Variants in TTLL6 observed in about 807,000 individuals in gnomAD.
TTLL6 encodes the protein tubulin polyglutamylase TTLL6.
In TTLL6, 75 loss-of-function variants were observed where a neutral mutation model predicts 96.4. The observed-to-expected ratio is 0.78, with a 90% CI of 0.65 to 0.94. The LOEUF is 0.94. Among genes scored for constraint, TTLL6 ranks in the 40% least tolerant of loss-of-function variants. TTLL6 has a pLI of 0.00. For missense variants in TTLL6, 1,030 were observed against 1,093.0 expected (o/e 0.94, Z 0.81); for synonymous variants, 411 against 419.4 (o/e 0.98, Z 0.24).
intron 7 of TTLL6, 47 bp from the exon 8 acceptor site, chr17:48,796,193 C>A (rs112633488): frequency 0.02 from 28,541 of 1,447,584 alleles, 308 homozygotes; most frequent in Non-Finnish European, 0.024. Context: ...GAAGGGCAGG[C>A]CCCCTGCTTC....
chr17:48,806,832 A>G (rs1053152576), intron 1 of TTLL6, among the ~76,000 whole-genome samples: 1 of 151,916 alleles, frequency 6.6e-6, no homozygotes, highest in Admixed American at 6.6e-5. Context: ...GAAGTTCGAG[A>G]CCAGCCTGAC....
At chr17:48,813,522 G>C (rs1031907652) in intron 1 of TTLL6, among the ~76,000 whole-genome samples, 3 of 152,146 alleles carry the variant, frequency 2.0e-5, no homozygotes, top group African/African-American at 7.2e-5. Flanking sequence ...TCACACAACT[G>C]CACTCCAGCC....
intron 4 of TTLL6, 50 bp from the exon 5 acceptor site, chr17:48,801,435 A>G (rs2039411226): frequency 6.4e-7 from 1 of 1,551,152 alleles, no homozygotes; most frequent in Non-Finnish European, 8.7e-7. Flanking sequence ...TGGGAGTACT[A>G]CAAGATCTCC....
At chr17:48,801,469 G>T (rs1486587949) in intron 4 of TTLL6, 56 bp downstream of exon 4, 1 of 1,550,784 alleles carries the variant, frequency 6.4e-7, no homozygotes, top group African/African-American at 1.4e-5. Context: ...GTAAAAATGG[G>T]GCCCCGCCGG....
chr17:48,812,064 A>ACCCCCCCCCCCCCCCCCCCCC (rs56757071), intron 1 of TTLL6: 2 of 76,140 alleles, frequency 2.6e-5, no homozygotes, highest in African/African-American at 5.5e-5. Context: ...TGATGCTGGG[A>ACCCCCCCCCCCCCCCCCCCCC]CCCCCCCCCC....
chr17:48,797,026 G>C, intron 7 of TTLL6, 35 bp downstream of exon 7: 5 of 1,537,044 alleles, frequency 3.3e-6, no homozygotes, highest in Non-Finnish European at 4.4e-6. Flanking sequence ...TCACGCTATG[G>C]GGGTAGGGTG....
rs1456131367 is a variant in TTLL6 at position 48,804,936 on chromosome 17, C to T, written c.159G>A (p.Pro53=). Residue 53 remains proline, a synonymous_variant, in exon 2 of 16, where the codon CCG becomes CCA. Coordinates refer to ENST00000393382, the MANE Select transcript of TTLL6 (RefSeq NM_001130918.3). ...SSQAREMPQC[P]TLESQEGENS... ...TTTCCCCTTCCTGGCTTTCCAAAGT[C>T]GGGCACTGTGGCATCTCCCTGGCCT... The T allele has an allele frequency of 6.1e-6, 9 of 1,470,800 alleles. No homozygotes were observed. Among genetic ancestry groups the T allele is most frequent in the Non-Finnish European group, 8.3e-6 (9 of 1,084,654 alleles). The allele number at this position is 1,470,800 out of a possible 1,614,324, so 91.1% of individuals were successfully genotyped here. A position where few individuals can be genotyped will look rare whatever the true frequency, so the allele number is the denominator to read the frequency against.
At chr17:48,786,122 G>A (rs758912217) in intron 12 of TTLL6, 42 bp downstream of exon 12, 1 of 1,611,718 alleles carries the variant, frequency 6.2e-7, no homozygotes, top group East Asian at 2.2e-5. Context: ...GCCCAGGTGG[G>A]GAAGGGTGTG....
chr17:48,787,687 C>T (rs919870802), intron 11 of TTLL6, 124 bp downstream of exon 11: 23 of 934,552 alleles, frequency 2.5e-5, no homozygotes, highest in South Asian at 5.1e-5. Flanking sequence ...TGAGCCACGG[C>T]GCCTGGTTGC....
Position 48,762,618 on chromosome 17 carries a change from C to T in TTLL6, c.*356G>A, listed in dbSNP as rs2038510939. ...TGACTCCTGGAAATCATGAGTCCTT[C>T]TCTGAAACACTACTCCCGAAGTTGC... On this transcript the variant is annotated 3_prime_UTR_variant, in exon 16 of 16. Transcript: ENST00000393382. 1 of 206,978 alleles carries T rather than the reference C, an allele frequency of 4.8e-6. No individual in the cohort carries two copies. Among genetic ancestry groups the T allele is most frequent in the Admixed American group, 5.6e-5 (1 of 17,762 alleles). 12.8% of individuals were successfully genotyped at this position (206,978 alleles called of 1,614,324 possible). A position where few individuals can be genotyped will look rare whatever the true frequency, so the allele number is the denominator to read the frequency against.
At position 48,810,634 on chromosome 17, in the gene TTLL6, T is replaced by C. The variant is rs1004539111; in HGVS notation, c.104-5643A>G. 8.5e-5 allele frequency among the ~76,000 whole-genome samples: 13 copies of C among 152,090 alleles called. 1 individual carries two copies. In the South Asian group the frequency reaches 2.7e-3, roughly 32 times the overall value. On this transcript the variant is annotated intron_variant, in intron 1 of 15. Transcript: ENST00000393382. ...TCACCTGAGCCCAGGAGATTGAGGC[T>C]GCAGTGAGCTGTGATCATGCCACTG...
In TTLL6 at chr17:48,810,828, T is replaced by C. The variant is rs112949757; in HGVS notation, c.104-5837A>G. Reference sequence around the variant, plus strand: ...TACACATATATAGTATGTGTGTGTATATATATATATATATATATATATATA... The same window carrying C: ...TACACATATATAGTATGTGTGTGTACATATATATATATATATATATATATA... On this transcript the variant is annotated intron_variant, in intron 1 of 15. Coordinates refer to ENST00000393382, the MANE Select transcript of TTLL6 (RefSeq NM_001130918.3). Among the ~76,000 whole-genome samples the C allele has an allele frequency of 9.1e-4, 90 of 99,094 alleles. 1 individual carries two copies. The highest frequency in any genetic ancestry group is 1.2e-3 in the Non-Finnish European group (66 of 53,374). 65.0% of individuals were successfully genotyped at this position (99,094 alleles called of 152,430 possible).
chr17:48,799,459 T>C (rs553968427), intron 6 of TTLL6, 145 bp downstream of exon 6: 1 of 792,912 alleles, frequency 1.3e-6, no homozygotes, highest in East Asian at 2.7e-5. Flanking sequence ...GGTCAGAACG[T>C]TTGGTCTGAC....
intron 1 of TTLL6, among the ~76,000 whole-genome samples, chr17:48,809,020 A>T (rs1045071489): frequency 6.6e-6 from 1 of 152,212 alleles, no homozygotes; most frequent in Non-Finnish European, 1.5e-5. Context: ...TAATATAATT[A>T]TAAGCTTTTA....
chr17:48,787,417 GTC>G (rs1261123181), intron 11 of TTLL6, among the ~76,000 whole-genome samples: 2 of 152,098 alleles, frequency 1.3e-5, no homozygotes, highest in Non-Finnish European at 2.9e-5. Flanking sequence ...TTGAGACAAG[GTC>G]TGACACTGAC....
chr17:48,787,126 G>C (rs1464120148), intron 11 of TTLL6, among the ~76,000 whole-genome samples: 1 of 152,074 alleles, frequency 6.6e-6, no homozygotes, highest in Non-Finnish European at 1.5e-5. Flanking sequence ...ACCGCGCCTG[G>C]CCTGTCATCA....
chr17:48,797,584 C>T (rs1393508094), intron 6 of TTLL6, among the ~76,000 whole-genome samples: 3 of 152,058 alleles, frequency 2.0e-5, no homozygotes, highest in African/African-American at 4.8e-5. Context: ...GTCAGGAGTT[C>T]GAGACCAGCC....
At position 48,788,018 on chromosome 17, in the gene TTLL6, T is replaced by C. The variant is rs1304117470; in HGVS notation, c.1401-19A>G. ...CTCAATCCTGTTGGGAAGCAGAACA[T>C]GGGGCTGCTGTCAGGTTTTCTTGGG... On this transcript the variant is annotated intron_variant, in intron 10 of 15. Transcript: ENST00000393382. 6 of 1,606,374 alleles carry C rather than the reference T, an allele frequency of 3.7e-6. No individual in the cohort carries two copies. The highest frequency in any genetic ancestry group is 3.4e-5 in the Admixed American group (2 of 59,120).
intron 13 of TTLL6, among the ~76,000 whole-genome samples, chr17:48,777,909 C>G (rs1597968121): frequency 6.6e-6 from 1 of 151,600 alleles, no homozygotes; most frequent in African/African-American, 2.4e-5. Flanking sequence ...GACTCCATCT[C>G]AAAAAAGAAA....
Sources: gnomAD v4.1 joint callset for allele counts (sites outside exome capture counted in the v4.1 genomes callset) on GRCh38, gnomAD v4.1.1 for gene constraint, MANE v1.5 for transcripts, NCBI Gene and HGNC (gene_info 2026-07-23, HGNC 2026-07-21) for gene names.